CNTN5: variants seen among roughly 807,000 people sequenced by gnomAD.
CNTN5 encodes contactin-5.
A neutral mutation model predicts 129.1 loss-of-function variants in CNTN5; 77 were observed. The ratio of observed to expected loss-of-function variants is 0.60; its 90% CI spans 0.50 to 0.72. CNTN5 has a LOEUF of 0.72. Ranked by LOEUF, CNTN5 falls within the 30% of genes least tolerant of loss-of-function variation. The probability of loss-of-function intolerance (pLI) is 0.00; values close to 1 mark genes in which losing one functional copy is unlikely to be tolerated. For missense variants in CNTN5, 1,478 were observed against 1,328.8 expected, an observed-to-expected ratio of 1.11 and a Z score of -1.75; for synonymous variants, 509 against 465.6, an observed-to-expected ratio of 1.09 and a Z score of -1.20.
At chr11:100,284,768 T>C (rs11223518) in intron 18 of CNTN5, among the ~76,000 whole-genome samples, 62,828 of 152,140 alleles carry the variant, frequency 0.41, 15,051 homozygotes, top group Non-Finnish European at 0.55. Context: ...TCTTCAAAGC[T>C]ACTGGTATAA....
chr11:100,315,828 T>A (rs1178226238), intron 21 of CNTN5, among the ~76,000 whole-genome samples: 1 of 152,190 alleles, frequency 6.6e-6, no homozygotes, highest in Admixed American at 6.5e-5. Context: ...TAGCTTGAAA[T>A]TTTATGGTAG....
chr11:99,584,740 A>C (rs1949735942), intron 3 of CNTN5, among the ~76,000 whole-genome samples: 2 of 152,244 alleles, frequency 1.3e-5, no homozygotes. Flanking sequence ...AGGGAAAAGC[A>C]TTCTGCTTTC....
At chr11:100,136,718 A>C (rs1288825210) in intron 13 of CNTN5, among the ~76,000 whole-genome samples, 3 of 152,060 alleles carry the variant, frequency 2.0e-5, no homozygotes, top group African/African-American at 7.2e-5. Flanking sequence ...GTGTATGCCC[A>C]GTATGGATTT....
chr11:99,237,764 T>C (rs1419849792), intron 1 of CNTN5, among the ~76,000 whole-genome samples: 2 of 152,130 alleles, frequency 1.3e-5, no homozygotes, highest in African/African-American at 4.8e-5. Flanking sequence ...AACAAAACTA[T>C]AGAGATAATT....
chr11:99,113,146 C>G (rs1857880388), intron 1 of CNTN5, among the ~76,000 whole-genome samples: 1 of 151,982 alleles, frequency 6.6e-6, no homozygotes, highest in South Asian at 2.1e-4. Flanking sequence ...AAGCATCATG[C>G]CATCAAAATT....
chr11:99,518,920 T>C (rs1830950226), intron 2 of CNTN5, among the ~76,000 whole-genome samples: 1 of 152,094 alleles, frequency 6.6e-6, no homozygotes, highest in Admixed American at 6.6e-5. Context: ...ATTAAATGCA[T>C]CCATTCTGCT....
At chr11:99,742,018 G>T (rs1675463595) in intron 3 of CNTN5, among the ~76,000 whole-genome samples, 1 of 152,030 alleles carries the variant, frequency 6.6e-6, no homozygotes, top group Admixed American at 6.6e-5. Context: ...TTTCAACACT[G>T]AAAATTAGAA....
At chr11:99,206,559 A>G (rs1859494377) in intron 1 of CNTN5, among the ~76,000 whole-genome samples, 1 of 148,386 alleles carries the variant, frequency 6.7e-6, no homozygotes, top group South Asian at 2.1e-4. Context: ...TCCTACTATT[A>G]GTGTGTTTGT....
chr11:99,503,953 T>G (rs970391062), intron 2 of CNTN5, among the ~76,000 whole-genome samples: 1 of 152,200 alleles, frequency 6.6e-6, no homozygotes, highest in Non-Finnish European at 1.5e-5. Flanking sequence ...AAAATCTTAG[T>G]GTAATACAGT....
chr11:100,016,360 A>T (rs527624414), intron 9 of CNTN5, among the ~76,000 whole-genome samples: 25 of 152,216 alleles, frequency 1.6e-4, no homozygotes, highest in Admixed American at 9.2e-4. Flanking sequence ...TTTGCTGTAA[A>T]GTTAAAATAT....
chr11:99,372,346 G>C (rs1939875993), intron 2 of CNTN5, among the ~76,000 whole-genome samples: 1 of 152,090 alleles, frequency 6.6e-6, no homozygotes, highest in Non-Finnish European at 1.5e-5. Context: ...AAAAAAAGTG[G>C]TACCATTTAA....
intron 1 of CNTN5, among the ~76,000 whole-genome samples, chr11:99,258,210 CAT>C (rs1270991895): frequency 6.6e-6 from 1 of 151,912 alleles, no homozygotes; most frequent in Non-Finnish European, 1.5e-5. Context: ...TAGGTAAACT[CAT>C]ATCACGGGGG....
chr11:99,079,527 G>C (rs1292940504), intron 1 of CNTN5, among the ~76,000 whole-genome samples: 3 of 152,144 alleles, frequency 2.0e-5, no homozygotes, highest in Non-Finnish European at 4.4e-5. Flanking sequence ...AAAATCAGTA[G>C]GATCTTGCAA....
intron 13 of CNTN5, among the ~76,000 whole-genome samples, chr11:100,146,835 G>C (rs1225934371): frequency 6.6e-6 from 1 of 152,062 alleles, no homozygotes; most frequent in Non-Finnish European, 1.5e-5. Flanking sequence ...ACATCTTTAA[G>C]TATACATATT....
intron 6 of CNTN5, among the ~76,000 whole-genome samples, chr11:99,892,895 T>C (rs894664306): frequency 6.6e-6 from 1 of 152,196 alleles, no homozygotes; most frequent in African/African-American, 2.4e-5. Flanking sequence ...GGGGACAGCA[T>C]TGAATCTATA....
intron 3 of CNTN5, among the ~76,000 whole-genome samples, chr11:99,771,351 G>A (rs1300964626): frequency 6.6e-6 from 1 of 150,390 alleles, no homozygotes; most frequent in Non-Finnish European, 1.5e-5. Flanking sequence ...AATGAATAAA[G>A]TAAACGTGAA....
At chr11:99,050,265 A>G (rs778065670) in intron 1 of CNTN5, among the ~76,000 whole-genome samples, 11 of 152,060 alleles carry the variant, frequency 7.2e-5, no homozygotes, top group Admixed American at 6.6e-5. Flanking sequence ...AAGAATGTCT[A>G]TTTTACATAA....
chr11:100,250,876 C>G (rs1011133212), intron 16 of CNTN5, among the ~76,000 whole-genome samples: 2 of 151,996 alleles, frequency 1.3e-5, no homozygotes, highest in Non-Finnish European at 2.9e-5. Context: ...TTTAAATTAA[C>G]AAAGAGTTGT....
intron 13 of CNTN5, among the ~76,000 whole-genome samples, chr11:100,111,548 A>G (rs1175846495): frequency 1.3e-5 from 2 of 152,210 alleles, no homozygotes; most frequent in African/African-American, 4.8e-5. Context: ...CTCTACCAAA[A>G]GAGACAATAA....
Sources: allele counts gnomAD v4.1 joint callset (sites outside exome capture counted in the v4.1 genomes callset), GRCh38; gene constraint gnomAD v4.1.1; transcripts MANE v1.5; gene names NCBI Gene and HGNC (gene_info 2026-07-23, HGNC 2026-07-21).